EXOC6: variants seen among roughly 807,000 people sequenced by gnomAD.
EXOC6 encodes the protein SEC15-like 1.
A neutral mutation model predicts 112.5 loss-of-function variants in EXOC6; 60 were observed. The ratio of observed to expected loss-of-function variants is 0.53; its 90% CI spans 0.43 to 0.66. The LOEUF is 0.66. EXOC6 is among the 30% of genes least tolerant of loss of function. The probability of loss-of-function intolerance (pLI) is 0.00; values close to 1 mark genes in which losing one functional copy is unlikely to be tolerated. For synonymous variants in EXOC6, 295 were observed against 308.0 expected (o/e 0.96, Z 0.44); for missense variants, 855 against 957.1 (o/e 0.89, Z 1.41).
At chr10:93,035,333 C>T (rs80136219) in intron 20 of EXOC6, among the ~76,000 whole-genome samples, 1,547 of 152,190 alleles carry the variant, frequency 0.01, 23 homozygotes, top group African/African-American at 0.035. Context: ...TAAGAGTAAA[C>T]GTTAGAGCTG....
intron 20 of EXOC6, among the ~76,000 whole-genome samples, chr10:93,025,928 C>T (rs776586280): frequency 6.6e-6 from 1 of 152,166 alleles, no homozygotes; most frequent in Non-Finnish European, 1.5e-5. Context: ...TCAAGGATAA[C>T]CACTATCATG....
chr10:93,021,573 T>G (rs748620137), intron 20 of EXOC6, among the ~76,000 whole-genome samples: 13 of 152,334 alleles, frequency 8.5e-5, no homozygotes, highest in Non-Finnish European at 1.6e-4. Context: ...CCATTTCCTT[T>G]AGAAGGAGTT....
chr10:92,867,159 T>A (rs1462935003), intron 1 of EXOC6, among the ~76,000 whole-genome samples: 1 of 152,162 alleles, frequency 6.6e-6, no homozygotes, highest in South Asian at 2.1e-4. Context: ...GTCAAAGACC[T>A]GTTCTTGGTG....
intron 6 of EXOC6, among the ~76,000 whole-genome samples, chr10:92,912,423 C>T (rs748762329): frequency 5.3e-5 from 8 of 151,942 alleles, no homozygotes; most frequent in East Asian, 3.9e-4. Context: ...TCTGGTCCCA[C>T]GGTGCCTCCA....
At chr10:92,878,324 G>A (rs1319537935) in intron 1 of EXOC6, 1 of 152,118 alleles carries the variant, frequency 6.6e-6, no homozygotes, top group Non-Finnish European at 1.5e-5. Context: ...TTTTGGTAAT[G>A]ATGCCAAGCA....
At chr10:92,847,347 A>C (rs1230944456), upstream of EXOC6, among the ~76,000 whole-genome samples, 1 of 152,258 alleles carries the variant, frequency 6.6e-6, no homozygotes, top group Non-Finnish European at 1.5e-5. Context: ...ATATTAATCC[A>C]AGAATTAATG....
At chr10:93,025,748 A>T (rs1844999211) in intron 20 of EXOC6, among the ~76,000 whole-genome samples, 1 of 152,208 alleles carries the variant, frequency 6.6e-6, no homozygotes, top group South Asian at 2.1e-4. Flanking sequence ...TAAATGTTTT[A>T]TTAAAGTACA....
intron 1 of EXOC6, among the ~76,000 whole-genome samples, chr10:92,840,751 G>A (rs1442318264): frequency 6.6e-6 from 1 of 151,170 alleles, no homozygotes; most frequent in East Asian, 1.9e-4. Context: ...GTGGCCTCTT[G>A]GGCTCAAGCA....
At chr10:92,851,109 ATAGT>A (rs1847307478) in intron 1 of EXOC6, among the ~76,000 whole-genome samples, 3 of 152,246 alleles carry the variant, frequency 2.0e-5, no homozygotes, top group South Asian at 4.1e-4. Flanking sequence ...AGCTAAAGAA[ATAGT>A]TAGAAGTTTA....
chr10:92,828,121 T>G (rs958730397), intron 1 of EXOC6, among the ~76,000 whole-genome samples: 6 of 152,224 alleles, frequency 3.9e-5, no homozygotes, highest in Non-Finnish European at 7.3e-5. Flanking sequence ...CTCTGTTTGT[T>G]GATCTCTCTA....
upstream of EXOC6, among the ~76,000 whole-genome samples, chr10:92,844,613 T>C (rs181246697): frequency 1.3e-5 from 2 of 152,136 alleles, 1 homozygote; most frequent in Admixed American, 1.3e-4. Context: ...AAAAAGAACA[T>C]TTATGTGTCT....
Position 92,940,772 on chromosome 10 carries a change from A to G in EXOC6, c.1258A>G (p.Ile420Val). Residue 420 changes from isoleucine (I) to valine (V), a missense_variant, in exon 13 of 22, where the codon ATA becomes GTA. By Grantham distance (29) the Ile-to-Val change is conservative. This residue lies in a region of EXOC6 where 450 missense variants were observed against 563.5 expected (regional missense o/e 0.80). Transcript: ENST00000260762. The stretch of plus-strand genomic sequence containing the variant: ...CCGACTTTTTGACCTTTTATTTGAA[A>G]TAAGAGACCAATACAATGAAACACT... ...VNRLFDLLFE[I>V]RDQYNETLLK... is the part of the protein sequence containing the mutation. 1.2e-6 allele frequency: 2 copies of G among 1,611,928 alleles called. No homozygotes were observed. Among genetic ancestry groups the G allele is most frequent in the Non-Finnish European group, 1.7e-6 (2 of 1,179,400 alleles).
intron 20 of EXOC6, among the ~76,000 whole-genome samples, chr10:93,021,985 A>G (rs1259940856): frequency 6.6e-6 from 1 of 152,040 alleles, no homozygotes; most frequent in Non-Finnish European, 1.5e-5. Context: ...CTGTTCTTTG[A>G]TTTTTCCGGA....
intron 20 of EXOC6, among the ~76,000 whole-genome samples, chr10:93,039,268 G>C (rs1845658069): frequency 6.6e-6 from 1 of 152,090 alleles, no homozygotes; most frequent in South Asian, 2.1e-4. Flanking sequence ...TCATAGTTAA[G>C]TCACTGTTTA....
intron 1 of EXOC6, among the ~76,000 whole-genome samples, chr10:92,872,030 A>G (rs1182163816): frequency 6.6e-6 from 1 of 151,620 alleles, no homozygotes; most frequent in African/African-American, 2.4e-5. Context: ...TCTGTTTTCT[A>G]ACTCATTCCT....
chr10:92,837,026 A>C (rs1364115344), intron 1 of EXOC6, among the ~76,000 whole-genome samples: 1 of 151,410 alleles, frequency 6.6e-6, no homozygotes, highest in Admixed American at 6.6e-5. Context: ...AAACTCTATA[A>C]AGGTTACTAA....
chr10:92,896,884 C>CT (rs914902050), intron 4 of EXOC6, among the ~76,000 whole-genome samples: 3 of 151,236 alleles, frequency 2.0e-5, no homozygotes, highest in Non-Finnish European at 4.4e-5. Flanking sequence ...AATAGCTTTT[C>CT]TTTTTTTTTA....
chr10:92,879,331 T>A (rs1458300661), intron 1 of EXOC6, among the ~76,000 whole-genome samples: 2 of 152,100 alleles, frequency 1.3e-5, no homozygotes, highest in Admixed American at 6.6e-5. Flanking sequence ...TAGCTGGGCA[T>A]GGTGGTGCAC....
intron 19 of EXOC6, 39 bp from the exon 20 acceptor site, chr10:93,014,155 G>T (rs1353576339): frequency 1.3e-6 from 2 of 1,481,726 alleles, no homozygotes; most frequent in Admixed American, 1.7e-5. Flanking sequence ...TATATTTTGT[G>T]ATCTCATTTT....
Sources: gnomAD v4.1 joint callset for allele counts (sites outside exome capture counted in the v4.1 genomes callset) on GRCh38, gnomAD v4.1.1 for gene constraint, gnomAD v4.1.1 regional missense constraint, MANE v1.5 for transcripts, NCBI Gene and HGNC (gene_info 2026-07-23, HGNC 2026-07-21) for gene names.